The following PPP2R3A variants were observed in gnomAD, a reference collection of about 807,000 sequenced individuals.
PPP2R3A encodes protein phosphatase 2 regulatory subunit B''alpha, also known as serine/threonine-protein phosphatase 2A regulatory subunit B'' subunit alpha.
A neutral mutation model predicts 106.9 loss-of-function variants in PPP2R3A; 80 were observed. The ratio of observed to expected loss-of-function variants is 0.75; its 90% CI spans 0.62 to 0.90. The LOEUF is 0.90. PPP2R3A is among the 40% of genes least tolerant of loss of function. PPP2R3A has a pLI of 0.00. For synonymous variants in PPP2R3A, 483 were observed against 468.3 expected (o/e 1.03, Z -0.41); for missense variants, 1,386 against 1,350.4 (o/e 1.03, Z -0.41).
intron 7 of PPP2R3A, 76 bp downstream of exon 7, chr3:136,078,529 C>T (rs768018306): frequency 5.6e-5 from 54 of 961,688 alleles, no homozygotes; most frequent in Non-Finnish European, 7.6e-5. Context: ...AATATTTGAG[C>T]GCTTACTCTA....
chr3:136,001,296 C>T lies in PPP2R3A; in HGVS notation c.-203C>T. On this transcript the variant is annotated 5_prime_UTR_variant, in exon 2 of 14. Coordinates refer to ENST00000264977, the MANE Select transcript of PPP2R3A (RefSeq NM_002718.5). ...AATTATTAAATTATTAAATTTGCCACACATGTGCAGCAGCTACTGTATCCT... is the reference window on the plus strand; with the variant it reads ...AATTATTAAATTATTAAATTTGCCATACATGTGCAGCAGCTACTGTATCCT... 1 of 472,684 alleles carries T rather than the reference C, an allele frequency of 2.1e-6. No individual in the cohort carries two copies. Among genetic ancestry groups the T allele is most frequent in the Non-Finnish European group, 3.7e-6 (1 of 270,980 alleles). 29.3% of individuals were successfully genotyped at this position (472,684 alleles called of 1,614,324 possible).
intron 10 of PPP2R3A, 26 bp from the exon 11 acceptor site, chr3:136,101,981 T>G (rs764596475): frequency 7.4e-5 from 118 of 1,599,094 alleles, no homozygotes; most frequent in Non-Finnish European, 9.7e-5. Flanking sequence ...ACCAGGCCCA[T>G]GATAATGATT....
At chr3:136,131,991 A>G (rs1938441390) in intron 13 of PPP2R3A, among the ~76,000 whole-genome samples, 1 of 131,034 alleles carries the variant, frequency 7.6e-6, no homozygotes, top group Admixed American at 8.6e-5. Context: ...GGCGGGGAAC[A>G]TCACACACCA....
intron 2 of PPP2R3A, among the ~76,000 whole-genome samples, chr3:136,013,502 A>T (rs1049840933): frequency 6.6e-6 from 1 of 151,928 alleles, no homozygotes; most frequent in African/African-American, 2.4e-5. Flanking sequence ...TATCACCACC[A>T]TGCCAATATC....
At chr3:136,113,715 A>T (rs1457120301) in intron 13 of PPP2R3A, among the ~76,000 whole-genome samples, 1 of 152,048 alleles carries the variant, frequency 6.6e-6, no homozygotes, top group Non-Finnish European at 1.5e-5. Context: ...GAAGCACTTG[A>T]ACCTGGGAAG....
intron 1 of PPP2R3A, among the ~76,000 whole-genome samples, chr3:135,994,112 A>C (rs1042532340): frequency 6.6e-6 from 1 of 152,228 alleles, no homozygotes; most frequent in Non-Finnish European, 1.5e-5. Context: ...GTGAAGCTCT[A>C]AAAAGCTGAA....
intron 13 of PPP2R3A, among the ~76,000 whole-genome samples, chr3:136,122,849 T>G (rs1205212054): frequency 6.6e-6 from 1 of 152,312 alleles, no homozygotes; most frequent in East Asian, 1.9e-4. Context: ...ATCCCAGGAC[T>G]GGAACATTAG....
At chr3:136,125,826 G>T (rs1427231657) in intron 13 of PPP2R3A, among the ~76,000 whole-genome samples, 4 of 152,042 alleles carry the variant, frequency 2.6e-5, no homozygotes, top group Non-Finnish European at 4.4e-5. Context: ...ATGAAAGGTT[G>T]GCTTATTCAA....
At chr3:136,008,843 C>A (rs915444755) in intron 2 of PPP2R3A, among the ~76,000 whole-genome samples, 3 of 152,076 alleles carry the variant, frequency 2.0e-5, no homozygotes, top group Non-Finnish European at 4.4e-5. Flanking sequence ...GCCCACAGGC[C>A]TGTCCAACCC....
intron 13 of PPP2R3A, among the ~76,000 whole-genome samples, chr3:136,140,361 CAGG>C (rs1938806718): frequency 1.3e-5 from 2 of 149,738 alleles, no homozygotes; most frequent in South Asian, 2.1e-4. Flanking sequence ...GAGGCCAAGG[CAGG>C]AGGATTCCTT....
At chr3:136,030,778 A>ATATATATATATATATATATGTATGTATG (rs1206335696) in intron 3 of PPP2R3A, among the ~76,000 whole-genome samples, 1 of 111,258 alleles carries the variant, frequency 9.0e-6, no homozygotes, top group African/African-American at 3.4e-5. Context: ...ATATATATAT[A>ATATATATATATATATATATGTATGTATG]TATGTATGTA....
chr3:136,125,752 A>C (rs1465870048), intron 13 of PPP2R3A, among the ~76,000 whole-genome samples: 2 of 152,188 alleles, frequency 1.3e-5, no homozygotes, highest in Admixed American at 1.3e-4. Flanking sequence ...TAAAATATTA[A>C]CATATCAAAT....
intron 3 of PPP2R3A, among the ~76,000 whole-genome samples, chr3:136,040,584 G>C (rs1423292322): frequency 6.6e-6 from 1 of 152,174 alleles, no homozygotes; most frequent in Non-Finnish European, 1.5e-5. Context: ...TGCTTTAACT[G>C]TCAGGTTGGA....
intron 4 of PPP2R3A, among the ~76,000 whole-genome samples, chr3:136,044,166 CAT>C (rs553108908): frequency 6.4e-4 from 98 of 152,250 alleles, no homozygotes; most frequent in Middle Eastern, 3.4e-3. Context: ...TTTTCTGAAA[CAT>C]GTGTTTATTT....
At chr3:136,134,584 A>T (rs77969236) in intron 13 of PPP2R3A, among the ~76,000 whole-genome samples, 1,683 of 152,304 alleles carry the variant, frequency 0.011, 30 homozygotes, top group East Asian at 0.047. Flanking sequence ...AGTACTTAAA[A>T]TGTGTGTATG....
intron 2 of PPP2R3A, among the ~76,000 whole-genome samples, chr3:136,004,161 G>A (rs1933760770): frequency 6.6e-6 from 1 of 152,200 alleles, no homozygotes. Flanking sequence ...AATCACGGAA[G>A]TATTTTCAAA....
intron 13 of PPP2R3A, among the ~76,000 whole-genome samples, chr3:136,122,302 C>G (rs1427363018): frequency 1.3e-5 from 2 of 152,076 alleles, no homozygotes; most frequent in East Asian, 3.9e-4. Flanking sequence ...TCCTGGGTGA[C>G]AAAGTGAGCC....
In PPP2R3A at chr3:136,055,067, A is replaced by G. The variant is rs546404532; in HGVS notation, c.2469+5706A>G. ...AAAGTTAATGTTTATAAACATTTCA[A>G]TATTTTAAAGTATATTTCCTTAACT... On this transcript the variant is annotated intron_variant, in intron 5 of 13. Coordinates refer to ENST00000264977, the MANE Select transcript of PPP2R3A (RefSeq NM_002718.5). 3.7e-4 allele frequency: 131 copies of G among 357,494 alleles called. No homozygotes were observed. The South Asian group carries it at 4.9e-3, about 13-fold the overall frequency. 22.1% of individuals were successfully genotyped at this position (357,494 alleles called of 1,614,324 possible).
At chr3:136,141,734 C>T (rs79903245) in intron 13 of PPP2R3A, among the ~76,000 whole-genome samples, 5,055 of 152,178 alleles carry the variant, frequency 0.033, 300 homozygotes, top group African/African-American at 0.11. Flanking sequence ...TAACCTATTC[C>T]AACACTATAA....
Sources: allele counts gnomAD v4.1 joint callset (sites outside exome capture counted in the v4.1 genomes callset), GRCh38; gene constraint gnomAD v4.1.1; transcripts MANE v1.5; gene names NCBI Gene and HGNC (gene_info 2026-07-23, HGNC 2026-07-21).